ZC3H13: variants seen among roughly 807,000 people sequenced by gnomAD.
ZC3H13 encodes zinc finger CCCH-type containing 13.
In ZC3H13, 64 loss-of-function variants were observed where a neutral mutation model predicts 204.1. The ratio of observed to expected loss-of-function variants is 0.31; its 90% confidence interval spans 0.26 to 0.39. The LOEUF (loss-of-function observed/expected upper bound fraction) is 0.39, where lower values mean the gene tolerates loss of function less well. Ranked by LOEUF, ZC3H13 falls within the 10% of genes least tolerant of loss-of-function variation. The probability of loss-of-function intolerance (pLI) is 1.00; values close to 1 mark genes in which losing one functional copy is unlikely to be tolerated. For synonymous variants in ZC3H13, 667 were observed against 693.7 expected, an observed-to-expected ratio of 0.96 and a Z score of 0.60; for missense variants, 1,833 against 2,082.7, an observed-to-expected ratio of 0.88 and a Z score of 2.33.
chr13:46,037,661 C>T (rs2043296148), intron 4 of ZC3H13, among the ~76,000 whole-genome samples: 1 of 64,670 alleles, frequency 1.5e-5, no homozygotes, highest in Admixed American at 1.5e-4. Context: ...TTTTCAGTTC[C>T]ACCGTATTAA....
chr13:46,008,427 C>T (rs985121234), intron 7 of ZC3H13, among the ~76,000 whole-genome samples: 7 of 151,654 alleles, frequency 4.6e-5, no homozygotes, highest in African/African-American at 1.7e-4. Flanking sequence ...ATTAACGGTG[C>T]ATCGTAAAGT....
At position 46,016,286 on chromosome 13, in the gene ZC3H13, T is replaced by C. The variant is rs2041903939; in HGVS notation, c.448+4163A>G. 2.0e-5 allele frequency among the ~76,000 whole-genome samples: 3 copies of C among 152,276 alleles called. No homozygotes were observed. In the South Asian group the frequency reaches 6.2e-4, roughly 32 times the overall value. On this transcript the variant is annotated intron_variant, in intron 5 of 18. Transcript: ENST00000679008. ...CAAAAAATATGTTTAAGAATAGTAA[T>C]AGCACCTTATTATGCATAATAGCAC...
intron 8 of ZC3H13, among the ~76,000 whole-genome samples, chr13:45,991,407 T>C (rs2039962065): frequency 6.6e-6 from 1 of 152,196 alleles, no homozygotes; most frequent in African/African-American, 2.4e-5. Flanking sequence ...TGTCAAATAA[T>C]GGCTTCAACT....
At position 46,042,108 on chromosome 13, in the gene ZC3H13, T is replaced by C. The variant is rs1398410040; in HGVS notation, c.339+56A>G. The C allele has an allele frequency of 2.2e-6, 3 of 1,357,894 alleles. 1 individual carries two copies. The Admixed American group carries it at 5.2e-5, about 23-fold the overall frequency. The allele number at this position is 1,357,894 out of a possible 1,614,324, so 84.1% of individuals were successfully genotyped here. On this transcript the variant is annotated intron_variant, in intron 4 of 18. Transcript: ENST00000679008. ...TAGCACACAATATTTAAAATGAAAC[T>C]CAAATTAACAAATCACTACTGAAGT...
Position 45,989,035 on chromosome 13 carries a change from G to A in ZC3H13, c.1007C>T (p.Ser336Leu). Residue 336 changes from serine to leucine, a missense_variant, in exon 9 of 19, where the codon TCA becomes TTA. Physicochemically the swap from Ser to Leu is moderately radical, Grantham distance 145. Transcript: ENST00000679008. Reference protein sequence around the residue: ...PISSRHHSSSSQSGSSIQRHS... With the variant: ...PISSRHHSSSLQSGSSIQRHS... Reference sequence around the variant, plus strand: ...TCTTTGAATAGATGATCCTGATTGTGAGGAAGATGAGTGATGTCTAGAAGA... The same window carrying A: ...TCTTTGAATAGATGATCCTGATTGTAAGGAAGATGAGTGATGTCTAGAAGA... The A allele has an allele frequency of 6.2e-7, 1 of 1,614,162 alleles. No homozygotes were observed. The highest frequency in any genetic ancestry group is 1.3e-5 in the African/African-American group (1 of 75,048).
chr13:46,008,989 G>T (rs1431459335), intron 7 of ZC3H13, among the ~76,000 whole-genome samples: 1 of 152,066 alleles, frequency 6.6e-6, no homozygotes, highest in Non-Finnish European at 1.5e-5. Context: ...GAATAACCAA[G>T]ATCCCAATCT....
intron 17 of ZC3H13, among the ~76,000 whole-genome samples, chr13:45,959,871 C>T (rs1951548641): frequency 6.6e-6 from 1 of 151,998 alleles, no homozygotes; most frequent in South Asian, 2.1e-4. Context: ...TTTAAATTTA[C>T]TTAAAATATA....
chr13:45,961,416 T>C (rs777153586), intron 17 of ZC3H13, among the ~76,000 whole-genome samples: 2 of 151,826 alleles, frequency 1.3e-5, no homozygotes, highest in African/African-American at 4.8e-5. Context: ...CCAGTCTCTT[T>C]AAAGTTTTGA....
At chr13:46,040,953 C>T (rs977107510) in intron 4 of ZC3H13, among the ~76,000 whole-genome samples, 3 of 152,068 alleles carry the variant, frequency 2.0e-5, no homozygotes, top group African/African-American at 7.2e-5. Context: ...TGATGATGTG[C>T]AGAAACTAGA....
chr13:45,997,739 T>C (rs1010962713), intron 8 of ZC3H13, among the ~76,000 whole-genome samples: 29 of 152,082 alleles, frequency 1.9e-4, no homozygotes, highest in Admixed American at 1.2e-3. Context: ...ACCTATGCCA[T>C]GTAAATGGGT....
intron 8 of ZC3H13, among the ~76,000 whole-genome samples, chr13:45,996,355 T>C (rs1170248484): frequency 6.6e-6 from 1 of 152,208 alleles, no homozygotes; most frequent in Non-Finnish European, 1.5e-5. Flanking sequence ...TAAACTTAAT[T>C]TCCCTTTGAT....
intron 4 of ZC3H13, among the ~76,000 whole-genome samples, chr13:46,035,841 A>C (rs898147420): frequency 3.9e-5 from 6 of 152,214 alleles, no homozygotes; most frequent in African/African-American, 7.2e-5. Context: ...CTCAAGATAT[A>C]GTTAGTAACA....
At chr13:45,966,265 A>G (rs1315106643) in intron 15 of ZC3H13, among the ~76,000 whole-genome samples, 1 of 152,182 alleles carries the variant, frequency 6.6e-6, no homozygotes, top group East Asian at 1.9e-4. Flanking sequence ...CTTTATGGGT[A>G]TGAATTTGCA....
In ZC3H13 at chr13:45,967,963, A is replaced by G; in HGVS notation, c.3862T>C (p.Ser1288Pro). Residue 1288 changes from serine (S) to proline (P), a missense_variant, in exon 15 of 19, where the codon TCA becomes CCA. Physicochemically the swap from Ser to Pro is moderately conservative, Grantham distance 74. Around this residue, in one of 5 missense-constraint regions of ZC3H13, gnomAD observed 1,574 missense variants for 1,757.2 expected, o/e 0.90. Coordinates refer to ENST00000679008, the MANE Select transcript of ZC3H13 (RefSeq NM_001330564.2). ...SSPESDRQVH[S>P]RSGSFDSRDR... is the part of the protein sequence containing the mutation. ...CTGCTATCAAATGACCCAGATCTTG[A>G]ATGGACCTGTCGATCTGACTCTGGA... 6.2e-7 allele frequency: 1 copy of G among 1,613,772 alleles called. No individual in the cohort carries two copies. Among genetic ancestry groups the G allele is most frequent in the Non-Finnish European group, 8.5e-7 (1 of 1,179,898 alleles).
intron 6 of ZC3H13, among the ~76,000 whole-genome samples, chr13:46,011,181 C>T (rs973623358): frequency 6.6e-6 from 1 of 152,126 alleles, no homozygotes; most frequent in Non-Finnish European, 1.5e-5. Flanking sequence ...GCTGGTGACT[C>T]TAGGCAACAA....
At position 45,975,449 on chromosome 13, in the gene ZC3H13, G is replaced by T. The variant is rs1269911462; in HGVS notation, c.2302C>A (p.Arg768=). Residue 768 remains arginine (R), a synonymous_variant, in exon 12 of 19, where the codon CGA becomes AGA. Transcript: ENST00000679008. Reference sequence around the variant, plus strand: ...CTTTCTCGTTCCCGTTCTCGCTCTCGCTCTCTCTCCCGTTCTCGCTCTCTC... The same window carrying T: ...CTTTCTCGTTCCCGTTCTCGCTCTCTCTCTCTCTCCCGTTCTCGCTCTCTC... The part of the protein sequence containing the change: ...RERERERERE[R]ERERERERAR... The T allele has an allele frequency of 1.9e-6, 3 of 1,608,874 alleles. No individual in the cohort carries two copies. Among genetic ancestry groups the T allele is most frequent in the South Asian group, 2.2e-5 (2 of 90,782 alleles).
At chr13:45,976,244 C>T in intron 11 of ZC3H13, 1 of 985,230 alleles carries the variant, frequency 1.0e-6, no homozygotes, top group Non-Finnish European at 1.2e-6. Flanking sequence ...ATAGGGGCAG[C>T]AGGAGGTGTA....
intron 4 of ZC3H13, among the ~76,000 whole-genome samples, chr13:46,035,523 C>T (rs540342954): frequency 1.3e-5 from 2 of 152,272 alleles, no homozygotes; most frequent in East Asian, 1.9e-4. Flanking sequence ...CTCCGTACTA[C>T]ATATTCATTA....
At chr13:45,990,194 G>A (rs1349861434) in intron 8 of ZC3H13, among the ~76,000 whole-genome samples, 1 of 152,008 alleles carries the variant, frequency 6.6e-6, no homozygotes, top group East Asian at 1.9e-4. Flanking sequence ...CAACTCACTA[G>A]ATGCCAGTAG....
Sources: gnomAD v4.1 joint callset for allele counts (sites outside exome capture counted in the v4.1 genomes callset) on GRCh38, gnomAD v4.1.1 for gene constraint, gnomAD v4.1.1 regional missense constraint, MANE v1.5 for transcripts, NCBI Gene and HGNC (gene_info 2026-07-23, HGNC 2026-07-21) for gene names.